Variants in NTF3 observed in about 807,000 individuals in gnomAD.
The protein encoded by NTF3 is neurotrophin 3.
Under a neutral mutation model 26.3 loss-of-function variants are expected in NTF3, and 8 were observed. That is an observed-to-expected ratio of 0.30 (90% CI 0.18 to 0.55). NTF3 has a LOEUF of 0.55. NTF3 is among the 20% of genes least tolerant of loss of function. NTF3 has a pLI of 0.93. For synonymous variants in NTF3, 154 were observed against 145.5 expected, an observed-to-expected ratio of 1.06 and a Z score of -0.42; for missense variants, 276 against 352.9, an observed-to-expected ratio of 0.78 and a Z score of 1.75.
upstream of NTF3, among the ~76,000 whole-genome samples, chr12:5,430,749 C>T (rs530374094): frequency 3.0e-4 from 45 of 151,806 alleles, no homozygotes; most frequent in Non-Finnish European, 6.0e-4. Context: ...GAACGGCTTG[C>T]TTATTAGACA....
chr12:5,438,139 A>G (rs1053921519), intron 1 of NTF3, among the ~76,000 whole-genome samples: 4 of 152,006 alleles, frequency 2.6e-5, no homozygotes, highest in African/African-American at 7.3e-5. Context: ...ATGGATTTCT[A>G]ACAAGATTGA....
At chr12:5,462,645 T>A (rs1940538772) in intron 1 of NTF3, among the ~76,000 whole-genome samples, 1 of 152,194 alleles carries the variant, frequency 6.6e-6, no homozygotes, top group Admixed American at 6.5e-5. Context: ...TCTTTTAACA[T>A]CCTCAGTGAA....
At chr12:5,440,810 G>A (rs576223848) in intron 1 of NTF3, among the ~76,000 whole-genome samples, 15 of 152,314 alleles carry the variant, frequency 9.8e-5, no homozygotes, top group East Asian at 7.7e-4. Flanking sequence ...CCATGACTCC[G>A]CTGCTCCCTC....
intron 1 of NTF3, among the ~76,000 whole-genome samples, chr12:5,470,159 C>A (rs1227313840): frequency 6.6e-6 from 1 of 152,110 alleles, no homozygotes; most frequent in East Asian, 1.9e-4. Flanking sequence ...CTCCTGACCT[C>A]GTGATCCACC....
chr12:5,445,566 C>T (rs1056611296), intron 1 of NTF3, among the ~76,000 whole-genome samples: 1 of 152,164 alleles, frequency 6.6e-6, no homozygotes, highest in Non-Finnish European at 1.5e-5. Context: ...AGTGTCTTTG[C>T]TCTCCCATGT....
intron 1 of NTF3, among the ~76,000 whole-genome samples, chr12:5,477,370 C>T (rs1193102358): frequency 1.3e-5 from 2 of 152,174 alleles, no homozygotes; most frequent in Non-Finnish European, 2.9e-5. Context: ...AACCCAGAGT[C>T]GTTTCTTAAA....
chr12:5,494,443 C>T lies in NTF3; in HGVS notation c.268C>T (p.Pro90Ser). The change falls in exon 2 of 2, where the codon CCC (proline) becomes TCC (serine). Residue 90 changes from proline (P) to serine (S), a missense_variant. Pro to Ser is a moderately conservative substitution (Grantham distance 74, BLOSUM62 -1). This residue lies in a region of NTF3 where 221 missense variants were observed against 258.2 expected (regional missense o/e 0.86). Transcript: ENST00000423158. This position sits in a 1 kb window ranked among gnomAD's most constrained non-coding sequence, Gnocchi z 8.3. ...EAPREPERGG[P>S]AKSAFQPVIA... is the part of the protein sequence containing the mutation. ...TCCCCGAGAGCCGGAGCGGGGAGGGCCCGCCAAGTCAGCATTCCAGCCGGT... is the reference window on the plus strand; with the variant it reads ...TCCCCGAGAGCCGGAGCGGGGAGGGTCCGCCAAGTCAGCATTCCAGCCGGT... 6.2e-7 allele frequency: 1 copy of T among 1,613,448 alleles called. No individual in the cohort carries two copies. The highest frequency in any genetic ancestry group is 8.5e-7 in the Non-Finnish European group (1 of 1,180,004).
rs1773203171 is a variant in NTF3 at position 5,456,716 on chromosome 12, C to A, written c.18+24374C>A. Among the ~76,000 whole-genome samples the A allele has an allele frequency of 6.6e-6, 1 of 152,120 alleles. No homozygotes were observed. The highest frequency in any genetic ancestry group is 1.5e-5 in the Non-Finnish European group (1 of 68,030). On this transcript the variant is annotated intron_variant, in intron 1 of 1. Coordinates refer to ENST00000423158, the MANE Select transcript of NTF3 (RefSeq NM_001102654.2). This position sits in a 1 kb window ranked among gnomAD's most constrained non-coding sequence, Gnocchi z 4.4. ...TGTAAGATTCCCTCCCACGGTTCAG[C>A]ACAGATGGGATGACAAGGACCAAAT... is the stretch of plus-strand genomic sequence containing the variant.
intron 1 of NTF3, among the ~76,000 whole-genome samples, chr12:5,460,244 G>A (rs928434472): frequency 5.9e-5 from 9 of 152,124 alleles, no homozygotes; most frequent in Non-Finnish European, 1.0e-4. Flanking sequence ...GTGTTTTACA[G>A]TTTTATGGGT....
chr12:5,466,369 C>T (rs1316138203), intron 1 of NTF3, among the ~76,000 whole-genome samples: 2 of 152,232 alleles, frequency 1.3e-5, no homozygotes, highest in African/African-American at 2.4e-5. Context: ...AATGGATCTA[C>T]AGCCTGTCCC....
chr12:5,441,533 G>C (rs1940236409), intron 1 of NTF3, among the ~76,000 whole-genome samples: 2 of 152,154 alleles, frequency 1.3e-5, no homozygotes, highest in African/African-American at 2.4e-5. Flanking sequence ...AGAGCCTAAG[G>C]CTCCCTTCCC....
intron 1 of NTF3, among the ~76,000 whole-genome samples, chr12:5,464,901 C>CT (rs1297739517): frequency 6.6e-6 from 1 of 152,134 alleles, no homozygotes; most frequent in African/African-American, 2.4e-5. Flanking sequence ...TTCTCAGCAC[C>CT]TGAACAACTG....
intron 1 of NTF3, among the ~76,000 whole-genome samples, chr12:5,483,812 T>G (rs1035847479): frequency 1.3e-5 from 2 of 152,180 alleles, no homozygotes; most frequent in African/African-American, 4.8e-5. Flanking sequence ...GAAAAAGCCA[T>G]CAGGTTGGAA....
At position 5,494,723 on chromosome 12, in the gene NTF3, G is replaced by A; in HGVS notation, c.548G>A (p.Gly183Glu). 1.2e-6 allele frequency: 2 copies of A among 1,614,170 alleles called. No individual in the cohort carries two copies. Among genetic ancestry groups the A allele is most frequent in the Non-Finnish European group, 1.7e-6 (2 of 1,180,034 alleles). The change falls in exon 2 of 2, where the codon GGA becomes GAA. Residue 183 changes from glycine (G) to glutamate (E), a missense_variant. Coordinates refer to ENST00000423158, the MANE Select transcript of NTF3 (RefSeq NM_001102654.2). This position sits in a 1 kb window ranked among gnomAD's most constrained non-coding sequence, Gnocchi z 8.3. ...AAGTCATCGGCCATCGACATTCGGGGACACCAGGTCACGGTGCTGGGGGAG... is the reference window on the plus strand; with the variant it reads ...AAGTCATCGGCCATCGACATTCGGGAACACCAGGTCACGGTGCTGGGGGAG... ...TDKSSAIDIR[G>E]HQVTVLGEIK...
At chr12:5,491,247 T>C (rs1321068634) in intron 1 of NTF3, among the ~76,000 whole-genome samples, 1 of 152,112 alleles carries the variant, frequency 6.6e-6, no homozygotes, top group Non-Finnish European at 1.5e-5. Flanking sequence ...TTTGGGGAGT[T>C]CTGTTAGCAA....
intron 1 of NTF3, among the ~76,000 whole-genome samples, chr12:5,453,173 AATTAG>A (rs1443937865): frequency 6.6e-6 from 1 of 152,234 alleles, no homozygotes; most frequent in Non-Finnish European, 1.5e-5. Context: ...TGGTGTATTA[AATTAG>A]TTTTGAAAAG....
intron 1 of NTF3, among the ~76,000 whole-genome samples, chr12:5,475,934 GAA>G (rs1940718884): frequency 2.0e-5 from 3 of 148,616 alleles, no homozygotes; most frequent in African/African-American, 7.8e-5. Context: ...GAGAGAAAAA[GAA>G]AGAGAAAAGA....
In NTF3 at chr12:5,447,401, T is replaced by G. The variant is rs533510642; in HGVS notation, c.18+15059T>G. The stretch of plus-strand genomic sequence containing the variant: ...AAGAGTGATCCTTCAATAATTCCCC[T>G]GTGGGATTATGCACATTTAAGGAAA... On this transcript the variant is annotated intron_variant, in intron 1 of 1. Coordinates refer to ENST00000423158, the MANE Select transcript of NTF3 (RefSeq NM_001102654.2). Among the ~76,000 whole-genome samples, 4 of 152,348 alleles carry G rather than the reference T, an allele frequency of 2.6e-5. No homozygotes were observed. In the South Asian group the frequency reaches 8.3e-4, roughly 32 times the overall value.
At chr12:5,493,099 T>C (rs540469501) in intron 1 of NTF3, among the ~76,000 whole-genome samples, 100 of 152,196 alleles carry the variant, frequency 6.6e-4, no homozygotes, top group Non-Finnish European at 1.1e-3. Flanking sequence ...CTAGCTCAGC[T>C]GCCCCTCTCC....
Sources: gnomAD v4.1 joint callset for allele counts (sites outside exome capture counted in the v4.1 genomes callset) on GRCh38, gnomAD v4.1.1 for gene constraint, gnomAD v4.1.1 regional missense constraint, Gnocchi (gnomAD v3.1) non-coding constraint, MANE v1.5 for transcripts, NCBI Gene and HGNC (gene_info 2026-07-23, HGNC 2026-07-21) for gene names.